CCDC150: variants seen among roughly 807,000 people sequenced by gnomAD.
CCDC150 encodes the protein coiled-coil domain containing 150.
In CCDC150, 151 loss-of-function variants were observed where a neutral mutation model predicts 156.5. The observed-to-expected ratio is 0.97, with a 90% CI of 0.85 to 1.10. The LOEUF is 1.10. Ranked by LOEUF, CCDC150 falls within the 50% of genes least tolerant of loss-of-function variation. The pLI is 0.00. For synonymous variants in CCDC150, 452 were observed against 429.4 expected, an observed-to-expected ratio of 1.05 and a Z score of -0.65; for missense variants, 1,312 against 1,268.1, an observed-to-expected ratio of 1.03 and a Z score of -0.53.
At chr2:196,730,789 A>G in intron 25 of CCDC150, 70 bp from the exon 26 acceptor site, 11 of 1,166,604 alleles carry the variant, frequency 9.4e-6, no homozygotes, top group African/African-American at 1.5e-5. Context: ...CCCATTTATT[A>G]TAACAGTGAA....
At chr2:196,682,928 G>A (rs1226363764) in intron 13 of CCDC150, among the ~76,000 whole-genome samples, 7 of 151,820 alleles carry the variant, frequency 4.6e-5, no homozygotes, top group Admixed American at 2.6e-4. Context: ...GGCTGGTCTC[G>A]AACTCCTGGG....
At chr2:196,731,073 A>G in intron 26 of CCDC150, 128 bp downstream of exon 26, 1 of 621,860 alleles carries the variant, frequency 1.6e-6, no homozygotes, top group Non-Finnish European at 2.8e-6. Context: ...AGAACGAGTA[A>G]CTTCCTAAGT....
intron 24 of CCDC150, 27 bp from the exon 25 acceptor site, chr2:196,729,930 A>G (rs752467815): frequency 2.5e-6 from 4 of 1,609,098 alleles, no homozygotes; most frequent in African/African-American, 1.3e-5. Context: ...GTGTTCACCA[A>G]ATGTCTCTGT....
intron 15 of CCDC150, among the ~76,000 whole-genome samples, chr2:196,703,181 A>C (rs929714393): frequency 6.6e-6 from 1 of 152,208 alleles, no homozygotes; most frequent in South Asian, 2.1e-4. Context: ...TTGATAAGTA[A>C]TCTCACTAGA....
chr2:196,647,585 T>C (rs1305081248), intron 2 of CCDC150, among the ~76,000 whole-genome samples: 3 of 152,276 alleles, frequency 2.0e-5, no homozygotes, highest in Admixed American at 6.5e-5. Context: ...TAATAAATGC[T>C]TGTTAACTAG....
chr2:196,671,359 A>G (rs1694187312), intron 8 of CCDC150, among the ~76,000 whole-genome samples: 1 of 151,916 alleles, frequency 6.6e-6, no homozygotes, highest in South Asian at 2.1e-4. Flanking sequence ...TTCACTTAGT[A>G]ATAAGTATTT....
intron 11 of CCDC150, 47 bp downstream of exon 11, chr2:196,676,314 G>C (rs372347806): frequency 1.2e-6 from 2 of 1,600,408 alleles, no homozygotes; most frequent in African/African-American, 2.7e-5. Flanking sequence ...GTTCTTGCAT[G>C]TGTGTTTCTT....
At chr2:196,644,184 CAT>C (rs1692400324) in intron 1 of CCDC150, among the ~76,000 whole-genome samples, 1 of 152,298 alleles carries the variant, frequency 6.6e-6, no homozygotes, top group East Asian at 1.9e-4. Context: ...GAATATATCA[CAT>C]GAGTGTGCCT....
At chr2:196,710,127 A>T (rs143248168) in intron 15 of CCDC150, among the ~76,000 whole-genome samples, 1 of 152,236 alleles carries the variant, frequency 6.6e-6, no homozygotes, top group Non-Finnish European at 1.5e-5. Flanking sequence ...GGTGGAGTCT[A>T]CAGAAGCAGG....
intron 22 of CCDC150, 105 bp downstream of exon 22, chr2:196,726,204 C>T: frequency 7.7e-7 from 1 of 1,303,228 alleles, no homozygotes; most frequent in Non-Finnish European, 1.1e-6. Context: ...CTCTCATCCC[C>T]CTTTGATCAG....
chr2:196,690,832 G>T (rs1695416615), intron 13 of CCDC150, among the ~76,000 whole-genome samples: 1 of 152,286 alleles, frequency 6.6e-6, no homozygotes, highest in African/African-American at 2.4e-5. Context: ...TATGATATTG[G>T]CTGTGGGTTT....
At chr2:196,686,585 G>A (rs769475592) in intron 13 of CCDC150, among the ~76,000 whole-genome samples, 3 of 151,562 alleles carry the variant, frequency 2.0e-5, no homozygotes, top group South Asian at 2.1e-4. Flanking sequence ...TTTTGTTGTC[G>A]TGCAATAGAG....
chr2:196,671,046 A>G (rs909111791), intron 8 of CCDC150, among the ~76,000 whole-genome samples: 13 of 152,172 alleles, frequency 8.5e-5, no homozygotes, highest in African/African-American at 3.1e-4. Context: ...TGATGAACCT[A>G]TATTGACACA....
intron 13 of CCDC150, among the ~76,000 whole-genome samples, chr2:196,687,971 T>G (rs777361748): frequency 6.6e-6 from 1 of 152,240 alleles, no homozygotes; most frequent in Admixed American, 6.5e-5. Flanking sequence ...TCTGTTCTTG[T>G]ACCAGTACCA....
At chr2:196,644,050 C>T (rs566402905) in intron 1 of CCDC150, among the ~76,000 whole-genome samples, 6 of 152,166 alleles carry the variant, frequency 3.9e-5, no homozygotes, top group South Asian at 2.1e-4. Flanking sequence ...ACTGATGGAA[C>T]GCTCTGGGAA....
chr2:196,663,876 A>T (rs542998410), intron 5 of CCDC150, among the ~76,000 whole-genome samples: 6 of 152,270 alleles, frequency 3.9e-5, no homozygotes, highest in African/African-American at 1.2e-4. Context: ...TTTCAGTTTC[A>T]CATCACTTCT....
intron 13 of CCDC150, among the ~76,000 whole-genome samples, chr2:196,691,521 T>A (rs1695471769): frequency 6.6e-6 from 1 of 152,246 alleles, no homozygotes; most frequent in African/African-American, 2.4e-5. Context: ...TATTCTCTGA[T>A]GGTTGTTTGT....
intron 15 of CCDC150, 46 bp downstream of exon 15, chr2:196,701,226 AC>A (rs1221523173): frequency 8.0e-7 from 1 of 1,243,026 alleles, no homozygotes; most frequent in Admixed American, 2.1e-5. Flanking sequence ...TTTTAAAAAT[AC>A]CAATTATCAA....
In CCDC150 at chr2:196,692,355, C is replaced by T. The variant is rs577029163; in HGVS notation, c.1510-2691C>T. 3.3e-5 allele frequency among the ~76,000 whole-genome samples: 5 copies of T among 150,836 alleles called. No individual in the cohort carries two copies. The East Asian group carries it at 7.9e-4, about 24-fold the overall frequency. ...TTCACCTTGTTAGCCAGGATGGTCT[C>T]GATCTCCTGACCTCATGATCCACCC... On this transcript the variant is annotated intron_variant, in intron 13 of 27. Coordinates refer to ENST00000389175, the MANE Select transcript of CCDC150 (RefSeq NM_001080539.2).
Sources: allele counts gnomAD v4.1 joint callset (sites outside exome capture counted in the v4.1 genomes callset), GRCh38; gene constraint gnomAD v4.1.1; transcripts MANE v1.5; gene names NCBI Gene and HGNC (gene_info 2026-07-23, HGNC 2026-07-21).